The following S100Z variants were observed in gnomAD, a reference collection of about 807,000 sequenced individuals.
S100Z encodes S100 calcium binding protein Z.
A neutral mutation model predicts 8.5 loss-of-function variants in S100Z; 11 were observed. The observed-to-expected ratio is 1.30, with a 90% CI of 0.82 to 2.15. The LOEUF is 2.15. S100Z is among the 30% of genes most tolerant of loss of function. The pLI is 0.00. For synonymous variants in S100Z, 34 were observed against 43.8 expected (o/e 0.78, Z 0.89); for missense variants, 126 against 117.9 (o/e 1.07, Z -0.32).
At chr5:76,937,245 GA>G in the S100Z span, among the ~76,000 whole-genome samples, 2,463 of 142,952 alleles carry the variant, frequency 0.017, 59 homozygotes, top group African/African-American at 0.059. Context: ...ATAACCAAAA[GA>G]AAAAAAAAAG....
chr5:76,884,743 T>C (rs1561235624), intron 4 of S100Z, among the ~76,000 whole-genome samples: 1 of 151,864 alleles, frequency 6.6e-6, no homozygotes, highest in East Asian at 1.9e-4. Flanking sequence ...GGGGAGGTGA[T>C]AGAAGGATTA....
At chr5:76,854,778 A>C (rs1750834017) in intron 1 of S100Z, among the ~76,000 whole-genome samples, 1 of 152,266 alleles carries the variant, frequency 6.6e-6, no homozygotes, top group African/African-American at 2.4e-5. Context: ...GCTGATAGCC[A>C]AGACAATGGG....
intron 4 of S100Z, among the ~76,000 whole-genome samples, chr5:76,897,450 A>T (rs946333321): frequency 6.8e-6 from 1 of 148,002 alleles, no homozygotes; most frequent in Admixed American, 6.6e-5. Flanking sequence ...CTCAAAAAAA[A>T]TAATAATAAT....
intron 4 of S100Z, among the ~76,000 whole-genome samples, chr5:76,913,134 C>G (rs149327648): frequency 0.086 from 13,149 of 152,272 alleles, 1,727 homozygotes; most frequent in African/African-American, 0.29. Context: ...CCAATACCAC[C>G]TTGTTGTCAG....
chr5:76,909,666 C>T (rs917566761), intron 4 of S100Z, among the ~76,000 whole-genome samples: 3 of 152,196 alleles, frequency 2.0e-5, no homozygotes, highest in East Asian at 1.9e-4. Context: ...ACAAAAACCC[C>T]TGGGCTATCA....
At chr5:76,901,555 C>T (rs2150670748) in intron 4 of S100Z, among the ~76,000 whole-genome samples, 1 of 152,352 alleles carries the variant, frequency 6.6e-6, no homozygotes, top group East Asian at 1.9e-4. Flanking sequence ...TCCCTTAAGG[C>T]CCAAGGGCTC....
chr5:76,860,190 T>C (rs1298528113), intron 1 of S100Z, among the ~76,000 whole-genome samples: 2 of 152,126 alleles, frequency 1.3e-5, no homozygotes, highest in African/African-American at 4.8e-5. Flanking sequence ...CAGAACAGAA[T>C]TGGCCAGATG....
chr5:76,926,142 G>GT (rs1008270161), downstream of S100Z, among the ~76,000 whole-genome samples: 40 of 150,954 alleles, frequency 2.6e-4, no homozygotes, highest in East Asian at 1.9e-3. Flanking sequence ...GGAGAAGCTT[G>GT]TTTTTTTTTC....
chr5:76,935,935 C>T, the S100Z span, among the ~76,000 whole-genome samples: 2 of 152,042 alleles, frequency 1.3e-5, no homozygotes, highest in South Asian at 2.1e-4. Flanking sequence ...CACCACCACA[C>T]CGGGCTAATT....
At chr5:76,942,033 C>T in the S100Z span, among the ~76,000 whole-genome samples, 1 of 151,952 alleles carries the variant, frequency 6.6e-6, no homozygotes, top group Non-Finnish European at 1.5e-5. Context: ...CTTTTTAACT[C>T]TAAAAGTATT....
chr5:76,912,882 CAG>C (rs36029083), intron 4 of S100Z, among the ~76,000 whole-genome samples: 101,918 of 148,240 alleles, frequency 0.69, 35,450 homozygotes, highest in African/African-American at 0.84. Context: ...AAGAAGGAGT[CAG>C]AGAGAGAGAG....
intron 4 of S100Z, among the ~76,000 whole-genome samples, chr5:76,906,974 G>GTATA (rs1744455090): frequency 6.1e-5 from 7 of 114,714 alleles, no homozygotes; most frequent in African/African-American, 3.8e-4. Flanking sequence ...CATTGTGTGT[G>GTATA]TGTATATATA....
chr5:76,855,220 A>G (rs1292038938), intron 1 of S100Z, among the ~76,000 whole-genome samples: 1 of 152,228 alleles, frequency 6.6e-6, no homozygotes, highest in Non-Finnish European at 1.5e-5. Context: ...CCCCACACAG[A>G]GTCCCCGTTG....
chr5:76,862,439 G>T (rs532638499), intron 1 of S100Z, among the ~76,000 whole-genome samples: 2 of 152,196 alleles, frequency 1.3e-5, no homozygotes, highest in South Asian at 2.1e-4. Context: ...CCTTCATAGG[G>T]TGTAGCCAAT....
At chr5:76,934,095 G>A in the S100Z span, among the ~76,000 whole-genome samples, 1 of 152,186 alleles carries the variant, frequency 6.6e-6, no homozygotes, top group South Asian at 2.1e-4. Flanking sequence ...CAGGACCACA[G>A]AAGAATTAGT....
At chr5:76,911,697 T>G (rs541646487) in intron 4 of S100Z, among the ~76,000 whole-genome samples, 1 of 152,212 alleles carries the variant, frequency 6.6e-6, no homozygotes, top group Non-Finnish European at 1.5e-5. Context: ...CTCTTGAACT[T>G]TCTAGCTAAT....
At chr5:76,935,937 G>A in the S100Z span, among the ~76,000 whole-genome samples, 57 of 151,864 alleles carry the variant, frequency 3.8e-4, 1 homozygote, top group African/African-American at 1.2e-3. Flanking sequence ...CCACCACACC[G>A]GGCTAATTTT....
chr5:76,886,518 T>C (rs1025946273), intron 4 of S100Z, among the ~76,000 whole-genome samples: 1 of 152,106 alleles, frequency 6.6e-6, no homozygotes, highest in African/African-American at 2.4e-5. Context: ...GATCTCTTCA[T>C]GGAGTGAGGG....
At chr5:76,910,034 G>T (rs1025068869) in intron 4 of S100Z, among the ~76,000 whole-genome samples, 2 of 152,138 alleles carry the variant, frequency 1.3e-5, no homozygotes, top group Non-Finnish European at 2.9e-5. Context: ...ATCCCCACTG[G>T]GATCTCAACT....
Sources: allele counts gnomAD v4.1 joint callset (sites outside exome capture counted in the v4.1 genomes callset), GRCh38; gene constraint gnomAD v4.1.1; transcripts MANE v1.5; gene names NCBI Gene and HGNC (gene_info 2026-07-23, HGNC 2026-07-21).